The following NRXN1 variants were observed in gnomAD, a reference collection of about 807,000 sequenced individuals.
NRXN1 encodes the protein neurexin 1.
Under a neutral mutation model 150.9 loss-of-function variants are expected in NRXN1, and 39 were observed. That is an observed-to-expected ratio of 0.26 (90% CI 0.20 to 0.34). NRXN1 has a LOEUF of 0.34. NRXN1 is among the 10% of genes least tolerant of loss of function. The pLI is 1.00. For synonymous variants in NRXN1, 924 were observed against 757.0 expected, an observed-to-expected ratio of 1.22 and a Z score of -3.62; for missense variants, 1,815 against 1,949.9, an observed-to-expected ratio of 0.93 and a Z score of 1.30.
At chr2:50,749,850 G>A (rs1461488528) in intron 5 of NRXN1, among the ~76,000 whole-genome samples, 1 of 151,984 alleles carries the variant, frequency 6.6e-6, no homozygotes, top group Non-Finnish European at 1.5e-5. Flanking sequence ...TACATTGATG[G>A]CTGAAATGGA....
chr2:50,736,190 A>G (rs936695685), intron 5 of NRXN1, among the ~76,000 whole-genome samples: 2 of 152,138 alleles, frequency 1.3e-5, no homozygotes, highest in African/African-American at 4.8e-5. Context: ...GGACCTTTGA[A>G]CATGCTGTGT....
At chr2:49,977,116 T>A (rs1679122771) in intron 21 of NRXN1, among the ~76,000 whole-genome samples, 1 of 152,208 alleles carries the variant, frequency 6.6e-6, no homozygotes, top group Non-Finnish European at 1.5e-5. Flanking sequence ...TTGTTGGCTC[T>A]TGTTGTTATT....
chr2:50,247,160 A>G (rs942920403), intron 17 of NRXN1, among the ~76,000 whole-genome samples: 21 of 152,134 alleles, frequency 1.4e-4, no homozygotes, highest in African/African-American at 5.1e-4. Flanking sequence ...ATCTCAGATA[A>G]GGACACAGAT....
intron 2 of NRXN1, among the ~76,000 whole-genome samples, chr2:50,992,226 T>C (rs918139): frequency 0.22 from 33,833 of 151,956 alleles, 4,143 homozygotes; most frequent in Non-Finnish European, 0.29. Context: ...ATTTTGCATG[T>C]GTTCTCTTTT....
chr2:49,927,974 T>C (rs986767575), intron 22 of NRXN1, among the ~76,000 whole-genome samples: 2 of 152,144 alleles, frequency 1.3e-5, no homozygotes, highest in African/African-American at 4.8e-5. Context: ...AATGTATGTG[T>C]ATGTCGTCAA....
At chr2:50,080,897 T>C (rs1334982876) in intron 19 of NRXN1, among the ~76,000 whole-genome samples, 2 of 152,318 alleles carry the variant, frequency 1.3e-5, no homozygotes, top group East Asian at 3.9e-4. Flanking sequence ...TTTCTCCTCA[T>C]ATGTTCATTA....
At chr2:50,837,425 C>G (rs959461506) in intron 5 of NRXN1, among the ~76,000 whole-genome samples, 1 of 152,060 alleles carries the variant, frequency 6.6e-6, no homozygotes, top group African/African-American at 2.4e-5. Context: ...TCCAGGCTGT[C>G]CTTATAAACA....
intron 13 of NRXN1, among the ~76,000 whole-genome samples, chr2:50,502,183 T>C (rs957523452): frequency 3.6e-5 from 5 of 140,332 alleles, no homozygotes; most frequent in Non-Finnish European, 7.9e-5. Flanking sequence ...TCTGACAAAA[T>C]AGAAGAAGAA....
chr2:50,374,108 T>G (rs1002556793), intron 17 of NRXN1, among the ~76,000 whole-genome samples: 6 of 145,974 alleles, frequency 4.1e-5, no homozygotes, highest in Admixed American at 2.1e-4. Flanking sequence ...CTGGGCAATA[T>G]AGCAAGACCT....
intron 5 of NRXN1, among the ~76,000 whole-genome samples, chr2:50,730,358 T>C (rs1697937911): frequency 6.6e-6 from 1 of 152,134 alleles, no homozygotes; most frequent in South Asian, 2.1e-4. Context: ...CACAATAAAA[T>C]ACCATGTCTC....
At chr2:50,583,618 A>C (rs1265482621) in intron 8 of NRXN1, among the ~76,000 whole-genome samples, 1 of 152,184 alleles carries the variant, frequency 6.6e-6, no homozygotes, top group East Asian at 1.9e-4. Flanking sequence ...TAATGTTTGA[A>C]GACTGAGTAA....
At chr2:50,082,404 C>T (rs1022976587) in intron 19 of NRXN1, among the ~76,000 whole-genome samples, 9 of 152,042 alleles carry the variant, frequency 5.9e-5, no homozygotes, top group African/African-American at 2.2e-4. Flanking sequence ...ACAATAATGG[C>T]AGACAAGAAG....
rs568896839 is a variant in NRXN1, at chr2:50,835,378, C to G, written c.832+86491G>C. ...ACTTTCGATTTCTTATGTAATCCTA[C>G]CCAGTTGCTTTTCCAACAATAAGAG... On this transcript the variant is annotated intron_variant, in intron 5 of 22. Transcript: ENST00000401669. Among the ~76,000 whole-genome samples the G allele has an allele frequency of 7.2e-5, 11 of 152,162 alleles. 1 individual carries two copies. Among genetic ancestry groups the G allele is most frequent in the African/African-American group, 2.6e-4 (11 of 41,522 alleles).
chr2:50,758,330 A>G lies in NRXN1; in HGVS notation c.833-134715T>C, dbSNP rs566325766. Among the ~76,000 whole-genome samples the G allele has an allele frequency of 1.2e-4, 18 of 151,960 alleles. 1 individual carries two copies. The highest frequency in any genetic ancestry group is 1.2e-3 in the Admixed American group (18 of 15,228). On this transcript the variant is annotated intron_variant, in intron 5 of 22. Coordinates refer to ENST00000401669, the MANE Select transcript of NRXN1 (RefSeq NM_001330078.2). ...TTAATGACTGACTCTCTCATGACCA[A>G]GATTAATGATTTGAAAGCCCAAATG...
intron 5 of NRXN1, among the ~76,000 whole-genome samples, chr2:50,649,076 A>T (rs1237693566): frequency 6.6e-6 from 1 of 151,992 alleles, no homozygotes. Context: ...AATTCAGCTT[A>T]ATTTAAAATC....
chr2:49,952,277 G>T (rs1264639377), intron 21 of NRXN1, among the ~76,000 whole-genome samples: 2 of 152,018 alleles, frequency 1.3e-5, no homozygotes, highest in Admixed American at 6.6e-5. Context: ...AAGTGAAAAG[G>T]TTGCAAAGGT....
intron 2 of NRXN1, among the ~76,000 whole-genome samples, chr2:50,994,905 A>T (rs1008159608): frequency 1.5e-4 from 23 of 151,872 alleles, no homozygotes; most frequent in African/African-American, 2.2e-4. Flanking sequence ...CTGTTTTTTT[A>T]AAAAAAACTA....
At chr2:50,629,948 C>T (rs188386388) in intron 5 of NRXN1, among the ~76,000 whole-genome samples, 61 of 151,496 alleles carry the variant, frequency 4.0e-4, no homozygotes, top group African/African-American at 1.5e-3. Context: ...ATGAAAAGAG[C>T]CTCTATTTCT....
intron 5 of NRXN1, among the ~76,000 whole-genome samples, chr2:50,861,226 T>C (rs1031945894): frequency 1.3e-5 from 2 of 151,970 alleles, no homozygotes; most frequent in Non-Finnish European, 2.9e-5. Flanking sequence ...GCAGATCTTA[T>C]TATTTTGAGA....
Sources: allele counts gnomAD v4.1 joint callset (sites outside exome capture counted in the v4.1 genomes callset), GRCh38; gene constraint gnomAD v4.1.1; transcripts MANE v1.5; gene names NCBI Gene and HGNC (gene_info 2026-07-23, HGNC 2026-07-21).